The following ARHGAP44 variants were observed in gnomAD, a reference collection of about 807,000 sequenced individuals.
The protein encoded by ARHGAP44 is Rho GTPase activating protein 44, also known as rho GTPase-activating protein 44.
ARHGAP44 carries 43 observed loss-of-function variants against 106.8 expected under a neutral mutation model. That is an observed-to-expected ratio of 0.40 (90% CI 0.32 to 0.52). ARHGAP44 has a LOEUF of 0.52. Among genes scored for constraint, ARHGAP44 ranks in the 20% least tolerant of loss-of-function variants. ARHGAP44 has a pLI of 0.48. For missense variants in ARHGAP44, 866 were observed against 1,050.5 expected (o/e 0.82, Z 2.43); for synonymous variants, 439 against 410.3 (o/e 1.07, Z -0.85).
At chr17:12,809,833 C>G (rs556572462) in intron 1 of ARHGAP44, among the ~76,000 whole-genome samples, 1 of 152,114 alleles carries the variant, frequency 6.6e-6, no homozygotes, top group African/African-American at 2.4e-5. Context: ...GTGGAACTTG[C>G]GGGAGCAGTG....
chr17:12,896,588 GATGTAGCTGTTT>G, intron 3 of ARHGAP44, 77 bp downstream of exon 3: 1 of 1,263,646 alleles, frequency 7.9e-7, no homozygotes, highest in Non-Finnish European at 1.1e-6. Flanking sequence ...GACACTCCTG[GATGTAGCTGTTT>G]ATGTAGCTGC....
chr17:12,877,735 G>A (rs925481767), intron 1 of ARHGAP44, among the ~76,000 whole-genome samples: 1 of 151,598 alleles, frequency 6.6e-6, no homozygotes, highest in Non-Finnish European at 1.5e-5. Context: ...GGGTGACAGA[G>A]CGAGACTCCG....
chr17:12,970,447 A>G (rs2039503135), intron 16 of ARHGAP44, among the ~76,000 whole-genome samples: 1 of 151,200 alleles, frequency 6.6e-6, no homozygotes, highest in South Asian at 2.1e-4. Flanking sequence ...CTCAGGTTCC[A>G]CTCCCCAGAT....
intron 8 of ARHGAP44, among the ~76,000 whole-genome samples, chr17:12,943,374 G>T (rs1367870129): frequency 6.6e-6 from 1 of 152,178 alleles, no homozygotes; most frequent in Non-Finnish European, 1.5e-5. Flanking sequence ...TTCCTGTCTG[G>T]TTCTCCTGCT....
chr17:12,893,130 C>T (rs575806519), intron 1 of ARHGAP44, among the ~76,000 whole-genome samples: 2 of 151,970 alleles, frequency 1.3e-5, no homozygotes, highest in Non-Finnish European at 2.9e-5. Context: ...GTTTCTAGTG[C>T]TTTGTTTCTG....
At chr17:12,919,533 A>G (rs1434410676) in intron 5 of ARHGAP44, among the ~76,000 whole-genome samples, 3 of 152,058 alleles carry the variant, frequency 2.0e-5, no homozygotes, top group Non-Finnish European at 4.4e-5. Context: ...TTACAGGCGC[A>G]TGCCACCACA....
rs1417307080 is a variant in ARHGAP44 at position 12,841,594 on chromosome 17, T to TCTCTCTCTCTCTCACA, written c.53+51704_53+51705insTCTCTCTCTCTCACAC. Among the ~76,000 whole-genome samples, 638 of 126,486 alleles carry TCTCTCTCTCTCTCACA rather than the reference T, an allele frequency of 5.0e-3. 4 individuals are homozygous for TCTCTCTCTCTCTCACA. Among genetic ancestry groups the TCTCTCTCTCTCTCACA allele is most frequent in the Middle Eastern group, 0.015 (4 of 264 alleles). 83.0% of individuals were successfully genotyped at this position (126,486 alleles called of 152,430 possible). On this transcript the variant is annotated intron_variant, in intron 1 of 20. Coordinates refer to ENST00000379672, the MANE Select transcript of ARHGAP44 (RefSeq NM_014859.6). ...GAGACCCTGTCTCTCTGTCTCTCTC[T>TCTCTCTCTCTCTCACA]CACACACACACACACACACACACAC...
At chr17:12,846,385 C>T (rs1292932976) in intron 1 of ARHGAP44, among the ~76,000 whole-genome samples, 3 of 152,188 alleles carry the variant, frequency 2.0e-5, no homozygotes, top group East Asian at 3.9e-4. Context: ...CAGCTGTGCA[C>T]GCATCTGTTT....
chr17:12,886,410 G>C (rs2036883587), intron 1 of ARHGAP44, among the ~76,000 whole-genome samples: 1 of 152,106 alleles, frequency 6.6e-6, no homozygotes, highest in African/African-American at 2.4e-5. Flanking sequence ...TGATCAGTTT[G>C]GGGAGAAGTG....
chr17:12,978,983 C>T (rs779686724), intron 18 of ARHGAP44, among the ~76,000 whole-genome samples: 1 of 152,204 alleles, frequency 6.6e-6, no homozygotes, highest in African/African-American at 2.4e-5. Flanking sequence ...CCACCATGCC[C>T]GGCCCAGGTT....
chr17:12,807,650 C>A (rs193253061), intron 1 of ARHGAP44, among the ~76,000 whole-genome samples: 2 of 152,220 alleles, frequency 1.3e-5, no homozygotes, highest in Non-Finnish European at 2.9e-5. Flanking sequence ...TTACCTGCTA[C>A]ACTGGGTCCC....
intron 1 of ARHGAP44, among the ~76,000 whole-genome samples, chr17:12,844,732 C>T (rs189990333): frequency 1.8e-3 from 269 of 152,172 alleles, no homozygotes; most frequent in Admixed American, 2.9e-3. Context: ...TTTTCTTCTT[C>T]CAAGTGTTGA....
chr17:12,831,566 G>T (rs2035089793), intron 1 of ARHGAP44, among the ~76,000 whole-genome samples: 1 of 151,664 alleles, frequency 6.6e-6, no homozygotes, highest in South Asian at 2.1e-4. Context: ...ATGCTGATTA[G>T]ACCAACTGTG....
intron 1 of ARHGAP44, among the ~76,000 whole-genome samples, chr17:12,855,692 TTTA>T (rs1464401647): frequency 2.0e-5 from 3 of 152,012 alleles, no homozygotes; most frequent in Non-Finnish European, 4.4e-5. Flanking sequence ...CTTTGGACTG[TTTA>T]TTAAAATTTG....
intron 3 of ARHGAP44, 70 bp downstream of exon 3, chr17:12,896,581 A>G (rs903421270): frequency 1.5e-6 from 2 of 1,325,520 alleles, no homozygotes; most frequent in Non-Finnish European, 2.1e-6. Flanking sequence ...CTCCTGTGAC[A>G]CTCCTGGATG....
chr17:12,958,896 G>A lies in ARHGAP44; in HGVS notation c.1522G>A (p.Gly508Ser). 2.5e-6 allele frequency: 4 copies of A among 1,603,036 alleles called. No homozygotes were observed. The highest frequency in any genetic ancestry group is 3.4e-6 in the Non-Finnish European group (4 of 1,174,674). Reference protein sequence around the residue: ...NMMLEFYKKDGLRKIQSMGVR... With the variant: ...NMMLEFYKKDSLRKIQSMGVR... ...GATGCTGGAGTTTTACAAAAAGGAT[G>A]GGTATGAACTGGTGTCTCTTTCTCA... The change falls in exon 16 of 21, where the codon GGC (glycine) becomes AGC (serine). Residue 508 changes from glycine to serine, a missense_variant and splice_region_variant. By Grantham distance (56) the Gly-to-Ser change is moderately conservative. This residue lies in a region of ARHGAP44 where 448 missense variants were observed against 646.9 expected (regional missense o/e 0.69). Coordinates refer to ENST00000379672, the MANE Select transcript of ARHGAP44 (RefSeq NM_014859.6). This position sits in a 1 kb window ranked among gnomAD's most constrained non-coding sequence, Gnocchi z 4.1.
chr17:12,979,668 C>T (rs2039781858), intron 18 of ARHGAP44, among the ~76,000 whole-genome samples: 1 of 152,194 alleles, frequency 6.6e-6, no homozygotes, highest in African/African-American at 2.4e-5. Flanking sequence ...GTCCTCTTGG[C>T]TACAGTAGGA....
chr17:12,903,154 T>A (rs1417385349), intron 3 of ARHGAP44, among the ~76,000 whole-genome samples: 38 of 140,458 alleles, frequency 2.7e-4, no homozygotes, highest in African/African-American at 7.1e-4. Flanking sequence ...TGTGTGTGTG[T>A]GTGTGTGTGT....
rs2143073891 is a variant in ARHGAP44, at chr17:12,949,328, G to A, written c.973+77G>A. ...TAGAGGGGAGGCTGTGTGGCTACAA[G>A]TCCAGGACACTCAAGTCAGTGGCTG... On this transcript the variant is annotated intron_variant, in intron 11 of 20. Coordinates refer to ENST00000379672, the MANE Select transcript of ARHGAP44 (RefSeq NM_014859.6). This position sits in a 1 kb window ranked among gnomAD's most constrained non-coding sequence, Gnocchi z 4.1. The A allele has an allele frequency of 7.0e-7, 1 of 1,432,416 alleles. No homozygotes were observed. The highest frequency in any genetic ancestry group is 2.0e-5 in the Admixed American group (1 of 50,470). 88.7% of individuals were successfully genotyped at this position (1,432,416 alleles called of 1,614,324 possible).
Sources: gnomAD v4.1 joint callset for allele counts (sites outside exome capture counted in the v4.1 genomes callset) on GRCh38, gnomAD v4.1.1 for gene constraint, gnomAD v4.1.1 regional missense constraint, Gnocchi (gnomAD v3.1) non-coding constraint, MANE v1.5 for transcripts, NCBI Gene and HGNC (gene_info 2026-07-23, HGNC 2026-07-21) for gene names.